The following SOCS6 variants were observed in gnomAD, a reference collection of about 807,000 sequenced individuals.
SOCS6 encodes suppressor of cytokine signaling 6.
SOCS6 carries 5 observed loss-of-function variants against 27.7 expected under a neutral mutation model. The ratio of observed to expected loss-of-function variants is 0.18; its 90% CI spans 0.09 to 0.38. The LOEUF is 0.38. Among genes scored for constraint, SOCS6 ranks in the 10% least tolerant of loss-of-function variants. The pLI, the probability that SOCS6 is intolerant of heterozygous loss-of-function variation, is 1.00. For synonymous variants in SOCS6, 271 were observed against 260.0 expected, an observed-to-expected ratio of 1.04 and a Z score of -0.41; for missense variants, 595 against 688.1, an observed-to-expected ratio of 0.86 and a Z score of 1.51.
intron 1 of SOCS6, among the ~76,000 whole-genome samples, chr18:70,320,667 CTTAAAAA>C (rs1203548075): frequency 2.6e-5 from 4 of 152,090 alleles, no homozygotes; most frequent in African/African-American, 9.7e-5. Context: ...CTGTACCTAA[CTTAAAAA>C]TTAAACTTTA....
At chr18:70,305,150 G>A (rs1600155016) in intron 1 of SOCS6, among the ~76,000 whole-genome samples, 1 of 152,016 alleles carries the variant, frequency 6.6e-6, no homozygotes, top group Non-Finnish European at 1.5e-5. Context: ...GGAGGTTGCA[G>A]TGAGCCGAGA....
chr18:70,303,067 G>A (rs1231484453), intron 1 of SOCS6, among the ~76,000 whole-genome samples: 2 of 152,176 alleles, frequency 1.3e-5, no homozygotes, highest in African/African-American at 2.4e-5. Context: ...ATTATAGGAT[G>A]TTTTGAAAAT....
rs565141259 is a variant in SOCS6 at position 70,299,819 on chromosome 18, GACA to G, written c.-127+10734_-127+10736del. ...CTTTGAATTGGTTAAGTGCAAATAA[GACA>G]ACAAAAAATAATATAACCATTTATA... On this transcript the variant is annotated intron_variant, in intron 1 of 1. Coordinates refer to ENST00000397942, the MANE Select transcript of SOCS6 (RefSeq NM_004232.4). Among the ~76,000 whole-genome samples the G allele has an allele frequency of 2.3e-3, 355 of 152,198 alleles. 1 individual carries two copies. Among genetic ancestry groups the G allele is most frequent in the Non-Finnish European group, 4.1e-3 (280 of 67,976 alleles).
intron 1 of SOCS6, among the ~76,000 whole-genome samples, chr18:70,321,880 G>T (rs1007624381): frequency 1.3e-5 from 2 of 152,150 alleles, no homozygotes; most frequent in Non-Finnish European, 2.9e-5. Flanking sequence ...GTTTAACTTT[G>T]TTGGGCAAAT....
chr18:70,298,461 A>G (rs2062333989), intron 1 of SOCS6, among the ~76,000 whole-genome samples: 1 of 152,100 alleles, frequency 6.6e-6, no homozygotes, highest in African/African-American at 2.4e-5. Context: ...TATATAAGAT[A>G]GTATTTTACA....
At position 70,325,113 on chromosome 18, in the gene SOCS6, A is replaced by C. The variant is rs1338548221; in HGVS notation, c.445A>C (p.Ile149Leu). ...GCCCACAAACTCCGAGGAGACCTGC[A>C]TCAAGATGGAGGTGAGAGTCAAGGC... ...LRPTNSEETC[I>L]KMEVRVKALV... Residue 149 changes from isoleucine (I) to leucine (L), a missense_variant, in exon 2 of 2, where the codon ATC becomes CTC. Ile to Leu is a conservative substitution (Grantham distance 5, BLOSUM62 2). Around this residue, in one of 2 missense-constraint regions of SOCS6, gnomAD observed 467 missense variants for 481.1 expected, o/e 0.97. Transcript: ENST00000397942. This position sits in a 1 kb window ranked among gnomAD's most constrained non-coding sequence, Gnocchi z 6.3. 1 of 1,614,124 alleles carries C rather than the reference A, an allele frequency of 6.2e-7. No individual in the cohort carries two copies. The highest frequency in any genetic ancestry group is 2.2e-5 in the East Asian group (1 of 44,880).
intron 1 of SOCS6, among the ~76,000 whole-genome samples, chr18:70,302,135 G>A (rs2062350749): frequency 6.6e-6 from 1 of 152,180 alleles, no homozygotes; most frequent in Non-Finnish European, 1.5e-5. Flanking sequence ...GTGGAGTGGG[G>A]AAATTGTTGG....
intron 1 of SOCS6, among the ~76,000 whole-genome samples, chr18:70,296,229 C>G (rs41455647): frequency 0.025 from 3,875 of 151,994 alleles, 88 homozygotes; most frequent in South Asian, 0.078. Context: ...TGTCTATGTT[C>G]TAAGTATTTG....
At chr18:70,315,452 AAATT>A (rs1167802011) in intron 1 of SOCS6, among the ~76,000 whole-genome samples, 1 of 152,202 alleles carries the variant, frequency 6.6e-6, no homozygotes, top group African/African-American at 2.4e-5. Context: ...TCTGAGTTTC[AAATT>A]AATTTTCATA....
chr18:70,303,974 G>C (rs1467552197), intron 1 of SOCS6, among the ~76,000 whole-genome samples: 1 of 152,000 alleles, frequency 6.6e-6, no homozygotes, highest in Admixed American at 6.6e-5. Context: ...TTGTATGTGT[G>C]GAAAAATGTA....
intron 1 of SOCS6, among the ~76,000 whole-genome samples, chr18:70,293,184 T>G (rs919124377): frequency 6.6e-6 from 1 of 152,128 alleles, no homozygotes; most frequent in African/African-American, 2.4e-5. Flanking sequence ...GTTTTCATGT[T>G]GTTATCTACA....
At chr18:70,297,436 A>AT (rs1338210757) in intron 1 of SOCS6, among the ~76,000 whole-genome samples, 1 of 151,710 alleles carries the variant, frequency 6.6e-6, no homozygotes, top group Non-Finnish European at 1.5e-5. Context: ...AACCAGATCT[A>AT]TTTTTTTCTT....
At chr18:70,297,889 T>C (rs760693644) in intron 1 of SOCS6, among the ~76,000 whole-genome samples, 2 of 152,158 alleles carry the variant, frequency 1.3e-5, no homozygotes, top group African/African-American at 4.8e-5. Flanking sequence ...ACTTTAGAAA[T>C]GGGGAAAAGA....
intron 1 of SOCS6, among the ~76,000 whole-genome samples, chr18:70,301,576 T>G (rs1411818395): frequency 6.6e-6 from 1 of 152,148 alleles, no homozygotes; most frequent in Non-Finnish European, 1.5e-5. Flanking sequence ...CTTGTGAAGT[T>G]TCAGATATCT....
At chr18:70,305,665 T>C (rs921120703) in intron 1 of SOCS6, among the ~76,000 whole-genome samples, 3 of 152,252 alleles carry the variant, frequency 2.0e-5, no homozygotes, top group Admixed American at 6.5e-5. Flanking sequence ...GCCATATTAA[T>C]AATATTGAAT....
At chr18:70,304,242 A>AAG (rs112656117) in intron 1 of SOCS6, among the ~76,000 whole-genome samples, 2 of 151,654 alleles carry the variant, frequency 1.3e-5, no homozygotes, top group Non-Finnish European at 2.9e-5. Context: ...AGTAAAGAAA[A>AAG]AGAAAAGACA....
intron 1 of SOCS6, among the ~76,000 whole-genome samples, chr18:70,304,866 G>C (rs534223314): frequency 1.3e-5 from 2 of 152,282 alleles, no homozygotes; most frequent in African/African-American, 4.8e-5. Context: ...ATTGTGTCCA[G>C]GAACTCTTTG....
chr18:70,305,818 T>C (rs1334970457), intron 1 of SOCS6, among the ~76,000 whole-genome samples: 2 of 152,168 alleles, frequency 1.3e-5, no homozygotes, highest in Non-Finnish European at 2.9e-5. Context: ...TGAACAGAAT[T>C]GTTTTCTTAA....
At chr18:70,310,192 C>A (rs183577509) in intron 1 of SOCS6, among the ~76,000 whole-genome samples, 1 of 152,222 alleles carries the variant, frequency 6.6e-6, no homozygotes, top group East Asian at 1.9e-4. Context: ...TTGCTATTGA[C>A]AGTTTAGTCC....
Sources: allele counts gnomAD v4.1 joint callset (sites outside exome capture counted in the v4.1 genomes callset), GRCh38; gene constraint gnomAD v4.1.1; regional missense constraint gnomAD v4.1.1; non-coding constraint Gnocchi (gnomAD v3.1); transcripts MANE v1.5; gene names NCBI Gene and HGNC (gene_info 2026-07-23, HGNC 2026-07-21).